Variants in BBS9 observed in about 807,000 individuals in gnomAD.
The protein encoded by BBS9 is Bardet-Biedl syndrome 9.
In BBS9, 89 loss-of-function variants were observed where a neutral mutation model predicts 117.7. That is an observed-to-expected ratio of 0.76 (90% CI 0.64 to 0.90). The LOEUF is 0.90. BBS9 is among the 40% of genes least tolerant of loss of function. The pLI is 0.00. For missense variants in BBS9, 982 were observed against 1,042.2 expected, an observed-to-expected ratio of 0.94 and a Z score of 0.80; for synonymous variants, 379 against 370.9, an observed-to-expected ratio of 1.02 and a Z score of -0.25.
chr7:33,506,231 T>C (rs1438385052), intron 20 of BBS9, among the ~76,000 whole-genome samples: 1 of 152,166 alleles, frequency 6.6e-6, no homozygotes, highest in African/African-American at 2.4e-5. Flanking sequence ...TTAAAACCTC[T>C]GAGATCCTTT....
At chr7:33,570,842 A>G (rs1857660386) in intron 21 of BBS9, among the ~76,000 whole-genome samples, 1 of 152,206 alleles carries the variant, frequency 6.6e-6, no homozygotes, top group South Asian at 2.1e-4. Flanking sequence ...CCAAGTTGAC[A>G]AACATTTCAG....
intron 20 of BBS9, among the ~76,000 whole-genome samples, chr7:33,532,893 G>A (rs542541036): frequency 5.9e-5 from 9 of 152,186 alleles, no homozygotes; most frequent in South Asian, 2.1e-4. Context: ...ATTTCTTGTC[G>A]TTCTTTATAA....
At chr7:33,551,967 ACC>A (rs1854497770) in intron 21 of BBS9, among the ~76,000 whole-genome samples, 1 of 152,110 alleles carries the variant, frequency 6.6e-6, no homozygotes, top group African/African-American at 2.4e-5. Context: ...TTATTGGAGT[ACC>A]ACAGTTTTTG....
At chr7:33,427,572 ATT>A (rs1833830224) in intron 19 of BBS9, among the ~76,000 whole-genome samples, 1 of 152,026 alleles carries the variant, frequency 6.6e-6, no homozygotes, top group African/African-American at 2.4e-5. Context: ...CAGGTGTAGA[ATT>A]TGTTTATATA....
intron 9 of BBS9, among the ~76,000 whole-genome samples, chr7:33,313,928 T>A (rs1297571435): frequency 2.0e-5 from 3 of 152,198 alleles, no homozygotes; most frequent in African/African-American, 7.2e-5. Context: ...ATCAGGAAAC[T>A]GAGGTTCTAG....
intron 5 of BBS9, among the ~76,000 whole-genome samples, chr7:33,241,703 T>C (rs1026616374): frequency 6.6e-6 from 1 of 152,130 alleles, no homozygotes; most frequent in African/African-American, 2.4e-5. Context: ...CAAATTCTTA[T>C]TAAAACTGCT....
At chr7:33,232,041 G>A (rs1792558627) in intron 5 of BBS9, among the ~76,000 whole-genome samples, 1 of 152,132 alleles carries the variant, frequency 6.6e-6, no homozygotes, top group African/African-American at 2.4e-5. Context: ...TGCATTGCAA[G>A]TATAACTTAT....
At chr7:33,559,763 G>A (rs77818788) in intron 21 of BBS9, among the ~76,000 whole-genome samples, 2,197 of 152,084 alleles carry the variant, frequency 0.014, 40 homozygotes, top group African/African-American at 0.05. Flanking sequence ...GCCACGACTC[G>A]TGAGTCCCTT....
chr7:33,527,603 G>T (rs901156759), intron 20 of BBS9, among the ~76,000 whole-genome samples: 1 of 152,138 alleles, frequency 6.6e-6, no homozygotes, highest in African/African-American at 2.4e-5. Context: ...GCCCTGCTTC[G>T]GCTCGCGCAC....
intron 21 of BBS9, among the ~76,000 whole-genome samples, chr7:33,619,020 C>T (rs980602097): frequency 2.6e-5 from 4 of 152,072 alleles, no homozygotes; most frequent in Non-Finnish European, 5.9e-5. Context: ...TCATTAATTA[C>T]ATTAAATATA....
intron 4 of BBS9, among the ~76,000 whole-genome samples, chr7:33,170,227 A>G (rs1193780576): frequency 2.7e-5 from 4 of 150,340 alleles, no homozygotes; most frequent in Non-Finnish European, 5.9e-5. Context: ...AACCGAATCC[A>G]GCAGCACATC....
At position 33,511,224 on chromosome 7, in the gene BBS9, G is replaced by A. The variant is rs1846914251; in HGVS notation, c.2298+5579G>A. On this transcript the variant is annotated intron_variant, in intron 20 of 22. Coordinates refer to ENST00000242067, the MANE Select transcript of BBS9 (RefSeq NM_198428.3). ...TAGATGAATCCTCTTTGCCCTTCCTGATCTCTGTACAAATCTCCTTCTCAT... is the reference window on the plus strand; with the variant it reads ...TAGATGAATCCTCTTTGCCCTTCCTAATCTCTGTACAAATCTCCTTCTCAT... Among the ~76,000 whole-genome samples, 6 of 152,122 alleles carry A rather than the reference G, an allele frequency of 3.9e-5. No individual in the cohort carries two copies. In the South Asian group the frequency reaches 1.2e-3, roughly 32 times the overall value.
intron 15 of BBS9, among the ~76,000 whole-genome samples, chr7:33,356,909 T>C (rs187397080): frequency 7.9e-4 from 120 of 151,950 alleles, no homozygotes; most frequent in Non-Finnish European, 1.5e-3. Flanking sequence ...GTGTTCAGTT[T>C]TTCTACAGCA....
chr7:33,609,307 A>T (rs1864746638), downstream of BBS9, among the ~76,000 whole-genome samples: 1 of 152,152 alleles, frequency 6.6e-6, no homozygotes, highest in African/African-American at 2.4e-5. Context: ...CAAATCAGCA[A>T]GAAGATATTT....
intron 5 of BBS9, among the ~76,000 whole-genome samples, chr7:33,224,154 A>G (rs1790799524): frequency 6.6e-6 from 1 of 152,194 alleles, no homozygotes; most frequent in Admixed American, 6.5e-5. Flanking sequence ...CATTCATTGG[A>G]CATATTTGAT....
At chr7:33,247,346 C>T (rs1795501196) in intron 5 of BBS9, among the ~76,000 whole-genome samples, 1 of 152,060 alleles carries the variant, frequency 6.6e-6, no homozygotes, top group Non-Finnish European at 1.5e-5. Flanking sequence ...TGATAGAGCT[C>T]CCAGGGGTCT....
intron 5 of BBS9, among the ~76,000 whole-genome samples, chr7:33,187,376 A>C (rs549081473): frequency 6.6e-6 from 1 of 152,334 alleles, no homozygotes; most frequent in African/African-American, 2.4e-5. Flanking sequence ...GTTGGCTGTG[A>C]AAAGATGATG....
At chr7:33,254,622 A>G (rs6953348) in intron 5 of BBS9, among the ~76,000 whole-genome samples, 21,891 of 152,184 alleles carry the variant, frequency 0.14, 1,860 homozygotes, top group Non-Finnish European at 0.19. Context: ...TACTCATATT[A>G]TAACTGCAAG....
intron 9 of BBS9, among the ~76,000 whole-genome samples, chr7:33,297,765 T>G (rs544202301): frequency 6.6e-6 from 1 of 152,278 alleles, no homozygotes; most frequent in East Asian, 1.9e-4. Context: ...TGGTCAATAA[T>G]ACATTCAGAA....
Sources: allele counts gnomAD v4.1 joint callset (sites outside exome capture counted in the v4.1 genomes callset), GRCh38; gene constraint gnomAD v4.1.1; transcripts MANE v1.5; gene names NCBI Gene and HGNC (gene_info 2026-07-23, HGNC 2026-07-21).